The following GAK variants were observed in gnomAD, a reference collection of about 807,000 sequenced individuals.
GAK encodes cyclin G associated kinase, also known as cyclin-G-associated kinase.
In GAK, 79 loss-of-function variants were observed where a neutral mutation model predicts 143.9. The ratio of observed to expected loss-of-function variants is 0.55; its 90% CI spans 0.46 to 0.66. GAK has a LOEUF of 0.66. Among genes scored for constraint, GAK ranks in the 30% least tolerant of loss-of-function variants. The pLI is 0.00. For synonymous variants in GAK, 881 were observed against 765.5 expected (o/e 1.15, Z -2.49); for missense variants, 1,693 against 1,779.7 (o/e 0.95, Z 0.88).
At chr4:872,826 G>C (rs946152264) in intron 18 of GAK, 2 of 153,768 alleles carry the variant, frequency 1.3e-5, no homozygotes, top group Non-Finnish European at 1.5e-5. Context: ...GACACTGCCC[G>C]CAGGCTCCTG....
rs536973749 is a variant in GAK at position 899,194 on chromosome 4, G to A, written c.526-1036C>T. ...AGCTCACACAATCAAGGAAGCCTCA[G>A]CCCCAACATTTAGGCAAACCACAGA... On this transcript the variant is annotated intron_variant, in intron 5 of 27. Coordinates refer to ENST00000314167, the MANE Select transcript of GAK (RefSeq NM_005255.4). 1.4e-4 allele frequency among the ~76,000 whole-genome samples: 21 copies of A among 152,362 alleles called. No homozygotes were observed. The East Asian group carries it at 3.9e-3, about 28-fold the overall frequency.
chr4:898,342 G>A (rs543055474), intron 5 of GAK, among the ~76,000 whole-genome samples, 184 bp from the exon 6 acceptor site: 68 of 152,340 alleles, frequency 4.5e-4, no homozygotes, highest in African/African-American at 1.4e-3. Context: ...CCAGCAGCTC[G>A]GGGTGCAGGG....
chr4:870,015 GCACA>G (rs1455775081), intron 19 of GAK: 1 of 150,302 alleles, frequency 6.7e-6, no homozygotes, highest in Non-Finnish European at 1.5e-5. Flanking sequence ...CGCACACACA[GCACA>G]CACAGATGCA....
chr4:912,201 T>C, intron 3 of GAK: 1 of 454,556 alleles, frequency 2.2e-6, no homozygotes, highest in South Asian at 1.6e-5. Flanking sequence ...AGGCAGAGTC[T>C]GAGGGCAGCC....
rs897935542 is a variant in GAK at position 859,254 on chromosome 4, G to A, written c.3283+352C>T. On this transcript the variant is annotated intron_variant, in intron 24 of 27. Coordinates refer to ENST00000314167, the MANE Select transcript of GAK (RefSeq NM_005255.4). ...TTGTGGCCGACAGCTAGCACGCTCC[G>A]AGCACAGCCTCGGGGACTGAGCAGA... 8 of 1,215,174 alleles carry A rather than the reference G, an allele frequency of 6.6e-6. No homozygotes were observed. In the African/African-American group the frequency reaches 7.8e-5, roughly 12 times the overall value. The allele number at this position is 1,215,174 out of a possible 1,614,324, so 75.3% of individuals were successfully genotyped here. A position where few individuals can be genotyped will look rare whatever the true frequency, so the allele number is the denominator to read the frequency against.
intron 23 of GAK, among the ~76,000 whole-genome samples, chr4:860,830 G>A (rs193098913): frequency 6.6e-6 from 1 of 152,104 alleles, no homozygotes; most frequent in Non-Finnish European, 1.5e-5. Flanking sequence ...CTGGCACATC[G>A]TGCACTGTGC....
intron 23 of GAK, among the ~76,000 whole-genome samples, chr4:862,826 T>C (rs901915081): frequency 9.9e-5 from 15 of 152,226 alleles, no homozygotes; most frequent in Non-Finnish European, 2.1e-4. Flanking sequence ...GACTGTTCGC[T>C]GACAATACGG....
Position 912,931 on chromosome 4 carries a change from C to T in GAK, c.208-137G>A. ...ACAGCTCCCCCCGTTTCGTGTGTCT[C>T]CACCTCTGACCCCTGTAAAAACGTG... On this transcript the variant is annotated intron_variant, in intron 2 of 27. Coordinates refer to ENST00000314167, the MANE Select transcript of GAK (RefSeq NM_005255.4). 3 of 546,442 alleles carry T rather than the reference C, an allele frequency of 5.5e-6. No individual in the cohort carries two copies. The South Asian group carries it at 1.0e-4, about 19-fold the overall frequency. 33.8% of individuals were successfully genotyped at this position (546,442 alleles called of 1,614,324 possible). A position where few individuals can be genotyped will look rare whatever the true frequency, so the allele number is the denominator to read the frequency against.
At chr4:921,067 A>G (rs563961553) in intron 1 of GAK, among the ~76,000 whole-genome samples, 1 of 152,294 alleles carries the variant, frequency 6.6e-6, no homozygotes, top group African/African-American at 2.4e-5. Context: ...AAAATCGCAG[A>G]AACAGCCACA....
chr4:882,792 G>A lies in GAK; in HGVS notation c.1432C>T (p.Arg478Trp), dbSNP rs768996051. The change falls in exon 14 of 28, where the codon CGG (arginine) becomes TGG (tryptophan). Residue 478 changes from arginine (R) to tryptophan (W), a missense_variant. By Grantham distance (101) the Arg-to-Trp change is moderately radical. Coordinates refer to ENST00000314167, the MANE Select transcript of GAK (RefSeq NM_005255.4). The part of the protein sequence containing the change: ...RVSECGWAAR[R>W]APHLHTLYNI... ...TACAGGGTGTGCAGGTGTGGGGCCC[G>A]CCGTGCTGCCCAGCCACACTCGGAG... The A allele has an allele frequency of 6.2e-6, 10 of 1,610,210 alleles. No individual in the cohort carries two copies. Among genetic ancestry groups the A allele is most frequent in the South Asian group, 4.4e-5 (4 of 91,006 alleles).
At chr4:899,930 G>A (rs768932979) in intron 5 of GAK, among the ~76,000 whole-genome samples, 8 of 152,262 alleles carry the variant, frequency 5.3e-5, no homozygotes, top group Admixed American at 4.6e-4. Context: ...CCCCCGAGGA[G>A]ATGCGGGCCA....
chr4:870,386 GCA>G (rs977416023), intron 19 of GAK, among the ~76,000 whole-genome samples: 17 of 152,314 alleles, frequency 1.1e-4, no homozygotes, highest in Admixed American at 1.0e-3. Flanking sequence ...CGTGTGTCCA[GCA>G]CACATGACAA....
chr4:921,053 A>T (rs1167440201), intron 1 of GAK, among the ~76,000 whole-genome samples: 1 of 152,198 alleles, frequency 6.6e-6, no homozygotes, highest in Non-Finnish European at 1.5e-5. Context: ...ACTGGAATGG[A>T]AAGAAAATCG....
intron 17 of GAK, 65 bp downstream of exon 17, chr4:877,025 G>A (rs2152794918): frequency 8.8e-7 from 1 of 1,134,670 alleles, no homozygotes; most frequent in Admixed American, 1.8e-5. Context: ...GCGCACTGTG[G>A]CCCCCAGCCC....
At chr4:905,441 C>T (rs566836677) in intron 4 of GAK, among the ~76,000 whole-genome samples, 5 of 151,572 alleles carry the variant, frequency 3.3e-5, no homozygotes, top group East Asian at 3.9e-4. Flanking sequence ...TCTGCCACGC[C>T]GCGCCACGCT....
intron 11 of GAK, chr4:888,634 C>A: frequency 3.4e-6 from 2 of 588,824 alleles, no homozygotes; most frequent in South Asian, 2.2e-5. Flanking sequence ...GCCTTGCCCC[C>A]CAGGCGATGA....
At chr4:874,295 G>A (rs1007583695) in intron 18 of GAK, among the ~76,000 whole-genome samples, 1 of 152,170 alleles carries the variant, frequency 6.6e-6, no homozygotes, top group Non-Finnish European at 1.5e-5. Flanking sequence ...AGCTGGTGCT[G>A]GTGTCATTTC....
At chr4:898,991 G>C (rs1364315662) in intron 5 of GAK, among the ~76,000 whole-genome samples, 3 of 152,244 alleles carry the variant, frequency 2.0e-5, no homozygotes, top group Admixed American at 2.0e-4. Context: ...GGAATCCAGC[G>C]AGTGCTGCTG....
In GAK at chr4:890,509, C is replaced by T. The variant is rs374922266; in HGVS notation, c.1081+23G>A. 1.5e-4 allele frequency: 227 copies of T among 1,561,196 alleles called. 2 individuals are homozygous for T. The Middle Eastern group carries it at 6.4e-3, about 44-fold the overall frequency. On this transcript the variant is annotated intron_variant, in intron 10 of 27. Transcript: ENST00000314167. ...TGCAGCAGGAGCGAGGGACAGGTGG[C>T]GGGCACAGGACAGGGCACTCACCTC...
Sources: gnomAD v4.1 joint callset for allele counts (sites outside exome capture counted in the v4.1 genomes callset) on GRCh38, gnomAD v4.1.1 for gene constraint, MANE v1.5 for transcripts, NCBI Gene and HGNC (gene_info 2026-07-23, HGNC 2026-07-21) for gene names.